The following TLN2 variants were observed in gnomAD, a reference collection of about 807,000 sequenced individuals.
TLN2 encodes talin 2, also known as talin-2.
Under a neutral mutation model 294.7 loss-of-function variants are expected in TLN2, and 118 were observed. The observed-to-expected ratio is 0.40, with a 90% CI of 0.34 to 0.47. The LOEUF (loss-of-function observed/expected upper bound fraction) is 0.47. TLN2 is among the 20% of genes least tolerant of loss of function. The probability of loss-of-function intolerance (pLI) is 0.84; values close to 1 mark genes in which losing one functional copy is unlikely to be tolerated. For synonymous variants in TLN2, 1,431 were observed against 1,304.5 expected (o/e 1.10, Z -2.09); for missense variants, 3,083 against 3,282.2 (o/e 0.94, Z 1.48).
At chr15:62,575,902 A>G (rs945237196) in intron 1 of TLN2, among the ~76,000 whole-genome samples, 1 of 152,184 alleles carries the variant, frequency 6.6e-6, no homozygotes, top group Non-Finnish European at 1.5e-5. Context: ...TATTTTCCCA[A>G]CTGTGTAGAG....
At chr15:62,546,316 TTC>T (rs1323092458) in intron 1 of TLN2, among the ~76,000 whole-genome samples, 12 of 152,336 alleles carry the variant, frequency 7.9e-5, no homozygotes, top group African/African-American at 2.6e-4. Context: ...ACGGCTAATC[TTC>T]ATCTGTGTTG....
At chr15:62,480,020 C>G (rs2037993227) in intron 1 of TLN2, among the ~76,000 whole-genome samples, 1 of 152,210 alleles carries the variant, frequency 6.6e-6, no homozygotes, top group African/African-American at 2.4e-5. Flanking sequence ...AGTTGGTCTC[C>G]TGTCATTGCA....
chr15:62,393,038 A>G lies in TLN2; in HGVS notation c.-238+2353A>G, dbSNP rs529029243. 4.6e-5 allele frequency among the ~76,000 whole-genome samples: 7 copies of G among 152,194 alleles called. No homozygotes were observed. In the South Asian group the frequency reaches 1.0e-3, roughly 23 times the overall value. ...AGCACTAGAATAGTGGAAAACACCCAGAGCCCAAGATATATTTTTCCAAAA... is the reference window on the plus strand; with the variant it reads ...AGCACTAGAATAGTGGAAAACACCCGGAGCCCAAGATATATTTTTCCAAAA... On this transcript the variant is annotated intron_variant, in intron 1 of 58. Transcript: ENST00000636159.
intron 1 of TLN2, among the ~76,000 whole-genome samples, chr15:62,483,915 G>A (rs952811654): frequency 1.3e-5 from 2 of 152,240 alleles, no homozygotes; most frequent in Non-Finnish European, 2.9e-5. Context: ...TTGGCCAGCT[G>A]CATGCCTCCC....
intron 2 of TLN2, among the ~76,000 whole-genome samples, chr15:62,592,390 C>T (rs998175764): frequency 6.6e-6 from 1 of 152,156 alleles, no homozygotes; most frequent in African/African-American, 2.4e-5. Context: ...TCTGTTGTGT[C>T]AACTCTCGGT....
Position 62,610,706 on chromosome 15 carries a change from GC to G in TLN2, c.-161-7644del, listed in dbSNP as rs531795120. 5.1e-3 allele frequency among the ~76,000 whole-genome samples: 779 copies of G among 152,322 alleles called. 10 individuals are homozygous for G. The highest frequency in any genetic ancestry group is 0.018 in the African/African-American group (742 of 41,564). ...CCTCAGCTGGGAACATGCAAGCCTG[GC>G]AGCTCAAATGTTTTGCTGTTCTGCA... On this transcript the variant is annotated intron_variant, in intron 2 of 58. Coordinates refer to ENST00000636159, the MANE Select transcript of TLN2 (RefSeq NM_015059.3).
chr15:62,483,276 A>G (rs1206743249), intron 1 of TLN2, among the ~76,000 whole-genome samples: 2 of 152,178 alleles, frequency 1.3e-5, no homozygotes, highest in Non-Finnish European at 2.9e-5. Context: ...CAATGACAGG[A>G]TTATAAAAGG....
chr15:62,595,794 A>C (rs1382235715), intron 2 of TLN2, among the ~76,000 whole-genome samples: 1 of 152,236 alleles, frequency 6.6e-6, no homozygotes, highest in African/African-American at 2.4e-5. Flanking sequence ...AAGTGAAATA[A>C]GGTAGGCATA....
At chr15:62,475,726 A>G (rs547564594) in intron 1 of TLN2, among the ~76,000 whole-genome samples, 1 of 152,250 alleles carries the variant, frequency 6.6e-6, no homozygotes, top group South Asian at 2.1e-4. Context: ...TTTGTTTTTG[A>G]CGAAAACCAG....
intron 1 of TLN2, among the ~76,000 whole-genome samples, chr15:62,394,185 A>G (rs1403147426): frequency 6.6e-6 from 1 of 152,158 alleles, no homozygotes; most frequent in African/African-American, 2.4e-5. Context: ...TGTGTTTTGG[A>G]AAGTTGCCTG....
chr15:62,681,639 C>G (rs904429391), intron 11 of TLN2, among the ~76,000 whole-genome samples: 2 of 152,110 alleles, frequency 1.3e-5, no homozygotes, highest in African/African-American at 2.4e-5. Flanking sequence ...ACTTATATGA[C>G]CTTAGGGAAA....
chr15:62,523,442 T>A (rs914998979), intron 1 of TLN2, among the ~76,000 whole-genome samples: 2 of 152,236 alleles, frequency 1.3e-5, no homozygotes, highest in African/African-American at 4.8e-5. Flanking sequence ...AGTGAATAGC[T>A]GTATGTCCTT....
At chr15:62,766,978 C>A (rs964969332) in intron 41 of TLN2, among the ~76,000 whole-genome samples, 7 of 152,156 alleles carry the variant, frequency 4.6e-5, no homozygotes, top group African/African-American at 1.7e-4. Flanking sequence ...GATATCTTGC[C>A]TGGTTGGGGT....
intron 52 of TLN2, among the ~76,000 whole-genome samples, chr15:62,815,524 C>G (rs562758437): frequency 6.6e-6 from 1 of 152,260 alleles, no homozygotes; most frequent in African/African-American, 2.4e-5. Flanking sequence ...GTCCAGCAAT[C>G]TGCAGAAATA....
At chr15:62,537,159 C>G (rs1355618238) in intron 1 of TLN2, among the ~76,000 whole-genome samples, 1 of 152,014 alleles carries the variant, frequency 6.6e-6, no homozygotes, top group African/African-American at 2.4e-5. Context: ...GCTGGGACTA[C>G]AGGCACCTGC....
At chr15:62,630,987 A>G (rs2049755403) in intron 3 of TLN2, among the ~76,000 whole-genome samples, 1 of 152,202 alleles carries the variant, frequency 6.6e-6, no homozygotes, top group African/African-American at 2.4e-5. Flanking sequence ...AAAACTTAAA[A>G]GATTTTTTCA....
chr15:62,836,102 T>TA, intron 57 of TLN2, 29 bp downstream of exon 57: 1 of 1,585,204 alleles, frequency 6.3e-7, no homozygotes, highest in South Asian at 1.1e-5. Flanking sequence ...GGTGGGAAAA[T>TA]ACTCCTGTTG....
At chr15:62,395,978 G>A (rs2140227036) in intron 1 of TLN2, among the ~76,000 whole-genome samples, 1 of 152,162 alleles carries the variant, frequency 6.6e-6, no homozygotes, top group South Asian at 2.1e-4. Context: ...TGGAATTACA[G>A]GCACCCGCCA....
intron 1 of TLN2, among the ~76,000 whole-genome samples, chr15:62,552,432 G>A (rs1018297552): frequency 4.6e-5 from 7 of 152,134 alleles, no homozygotes; most frequent in African/African-American, 1.7e-4. Flanking sequence ...AAAAATTTGA[G>A]TTGATCAATG....
Sources: allele counts gnomAD v4.1 joint callset (sites outside exome capture counted in the v4.1 genomes callset), GRCh38; gene constraint gnomAD v4.1.1; transcripts MANE v1.5; gene names NCBI Gene and HGNC (gene_info 2026-07-23, HGNC 2026-07-21).